The following ECT2L variants were observed in gnomAD, a reference collection of about 807,000 sequenced individuals.
ECT2L encodes the protein epithelial cell transforming 2 like.
ECT2L carries 126 observed loss-of-function variants against 122.8 expected under a neutral mutation model. The ratio of observed to expected loss-of-function variants is 1.03; its 90% CI spans 0.89 to 1.19. The LOEUF (loss-of-function observed/expected upper bound fraction) is 1.19. ECT2L is among the 50% of genes most tolerant of loss of function. ECT2L has a pLI of 0.00. For missense variants in ECT2L, 1,012 were observed against 1,064.1 expected (o/e 0.95, Z 0.68); for synonymous variants, 385 against 381.8 (o/e 1.01, Z -0.10).
At chr6:138,854,478 A>G (rs1292141771) in intron 10 of ECT2L, among the ~76,000 whole-genome samples, 2 of 152,158 alleles carry the variant, frequency 1.3e-5, no homozygotes, top group Non-Finnish European at 2.9e-5. Flanking sequence ...TAATCATTCA[A>G]TCCGAGAAAA....
At position 138,903,430 on chromosome 6, in the gene ECT2L, C is replaced by T. The variant is rs1369816948; in HGVS notation, c.*803C>T. On this transcript the variant is annotated 3_prime_UTR_variant, in exon 22 of 22. Coordinates refer to ENST00000541398, the MANE Select transcript of ECT2L (RefSeq NM_001077706.3). ...TTACTCAAAAACTTGTCACACTTAT[C>T]CTTAGTATGAATGTACTCCTCTAGA... The T allele has an allele frequency of 6.6e-6, 1 of 151,656 alleles. No individual in the cohort carries two copies. The highest frequency in any genetic ancestry group is 1.5e-5 in the Non-Finnish European group (1 of 67,952). 9.4% of individuals were successfully genotyped at this position (151,656 alleles called of 1,614,324 possible). A position where few individuals can be genotyped will look rare whatever the true frequency, so the allele number is the denominator to read the frequency against.
intron 1 of ECT2L, among the ~76,000 whole-genome samples, chr6:138,809,451 G>T (rs1775818555): frequency 6.6e-6 from 1 of 152,126 alleles, no homozygotes; most frequent in Admixed American, 6.5e-5. Flanking sequence ...GGGCAACAGA[G>T]CAAGACCCTG....
At chr6:138,810,913 T>A (rs1775870392) in intron 1 of ECT2L, among the ~76,000 whole-genome samples, 1 of 152,114 alleles carries the variant, frequency 6.6e-6, no homozygotes, top group South Asian at 2.1e-4. Context: ...AACTTTGGGG[T>A]TGTTTTCCTT....
At chr6:138,819,065 C>T (rs1187412769) in intron 4 of ECT2L, among the ~76,000 whole-genome samples, 3 of 152,094 alleles carry the variant, frequency 2.0e-5, no homozygotes, top group Non-Finnish European at 2.9e-5. Flanking sequence ...CGACTGTTTT[C>T]TAAATATCCA....
intron 4 of ECT2L, among the ~76,000 whole-genome samples, chr6:138,822,523 C>A (rs2128378446): frequency 1.3e-5 from 2 of 152,198 alleles, no homozygotes; most frequent in Admixed American, 6.5e-5. Context: ...CCATTACAGT[C>A]CAGCCTGGGC....
intron 5 of ECT2L, among the ~76,000 whole-genome samples, chr6:138,841,391 C>A (rs530853312): frequency 2.0e-5 from 3 of 152,162 alleles, no homozygotes; most frequent in Non-Finnish European, 2.9e-5. Flanking sequence ...GCTTCTGGCA[C>A]GTCTAGTGCT....
At chr6:138,837,282 A>G (rs773505512) in intron 4 of ECT2L, among the ~76,000 whole-genome samples, 2 of 152,122 alleles carry the variant, frequency 1.3e-5, no homozygotes, top group East Asian at 1.9e-4. Flanking sequence ...CATAATCTTC[A>G]TATTTTTCCC....
rs764351149 is a variant in ECT2L, at chr6:138,843,100, T to C, written c.464T>C (p.Leu155Pro). The C allele has an allele frequency of 6.2e-7, 1 of 1,614,128 alleles. No individual in the cohort carries two copies. The highest frequency in any genetic ancestry group is 8.5e-7 in the Non-Finnish European group (1 of 1,179,986). Residue 155 changes from leucine to proline, a missense_variant, in exon 6 of 22, where the codon CTG becomes CCG. Physicochemically the swap from Leu to Pro is moderately conservative, Grantham distance 98 (BLOSUM62 -3). Coordinates refer to ENST00000541398, the MANE Select transcript of ECT2L (RefSeq NM_001077706.3). ...YIACVSHLDW[L>P]TPREAAATYG... ...GCTTGTGTGTCCCACTTAGACTGGCTGACACCTAGGGAGGCTGCTGCTACT... is the reference window on the plus strand; with the variant it reads ...GCTTGTGTGTCCCACTTAGACTGGCCGACACCTAGGGAGGCTGCTGCTACT...
At chr6:138,823,100 G>C (rs1311243734) in intron 4 of ECT2L, 1 of 1,540,902 alleles carries the variant, frequency 6.5e-7, no homozygotes, top group African/African-American at 1.4e-5. Flanking sequence ...CTTCAGCCTT[G>C]TACACACTAA....
rs1381438606 is a variant in ECT2L, at chr6:138,865,050, T to G, written c.1346T>G (p.Phe449Cys). ...GGAAAGGCCCCCTCTTCCATCTACT[T>G]CTGCGAATCGAAGCTACAGACGTGG... The part of the protein sequence containing the change: ...QWGKAPSSIY[F>C]CESKLQTWSS... The change falls in exon 12 of 22, where the codon TTC becomes TGC. Residue 449 changes from phenylalanine (F) to cysteine (C), a missense_variant. By Grantham distance (205) the Phe-to-Cys change is radical (BLOSUM62 -2). Coordinates refer to ENST00000541398, the MANE Select transcript of ECT2L (RefSeq NM_001077706.3). 1.9e-6 allele frequency: 3 copies of G among 1,614,096 alleles called. No individual in the cohort carries two copies. Among genetic ancestry groups the G allele is most frequent in the Non-Finnish European group, 2.5e-6 (3 of 1,180,002 alleles).
intron 3 of ECT2L, among the ~76,000 whole-genome samples, chr6:138,813,729 T>C (rs1421754800): frequency 1.3e-5 from 2 of 152,162 alleles, no homozygotes; most frequent in Non-Finnish European, 2.9e-5. Context: ...GATGGTTCCA[T>C]GTGGCCTGGG....
chr6:138,846,426 G>A lies in ECT2L; in HGVS notation c.765-113G>A. 7 of 984,822 alleles carry A rather than the reference G, an allele frequency of 7.1e-6. No individual in the cohort carries two copies. In the South Asian group the frequency reaches 1.7e-4, roughly 23 times the overall value. 61.0% of individuals were successfully genotyped at this position (984,822 alleles called of 1,614,324 possible). A position where few individuals can be genotyped will look rare whatever the true frequency, so the allele number is the denominator to read the frequency against. On this transcript the variant is annotated intron_variant, in intron 7 of 21. Coordinates refer to ENST00000541398, the MANE Select transcript of ECT2L (RefSeq NM_001077706.3). ...AAACACAGGGTGAGGCTAAGGCATG[G>A]AGGCCACGTGCCTTGTAGAGTAGAG... is the stretch of plus-strand genomic sequence containing the variant.
intron 16 of ECT2L, among the ~76,000 whole-genome samples, chr6:138,883,242 T>C (rs1778702995): frequency 6.6e-6 from 1 of 152,198 alleles, no homozygotes; most frequent in African/African-American, 2.4e-5. Context: ...AAATTAATCA[T>C]CCACATCTTT....
At chr6:138,866,981 C>A (rs1241389087) in intron 12 of ECT2L, among the ~76,000 whole-genome samples, 1 of 151,650 alleles carries the variant, frequency 6.6e-6, no homozygotes, top group Non-Finnish European at 1.5e-5. Context: ...GGCTGAGGCA[C>A]GAGAACTGCT....
intron 7 of ECT2L, among the ~76,000 whole-genome samples, chr6:138,844,858 G>A (rs1777168421): frequency 7.3e-6 from 1 of 136,972 alleles, no homozygotes; most frequent in African/African-American, 2.8e-5. Flanking sequence ...TCAAACTTGT[G>A]GGCTCAAGCG....
In ECT2L at chr6:138,846,590, G is replaced by A; in HGVS notation, c.816G>A (p.Trp272Ter). The A allele has an allele frequency of 2.5e-6, 4 of 1,610,642 alleles. No individual in the cohort carries two copies. The East Asian group carries it at 8.9e-5, about 36-fold the overall frequency. Reference protein sequence around the residue: ...HSYPLLSKKNWHGVHKNDDRS... With the variant: ...HSYPLLSKKN ...ACCCTTTATTATCAAAGAAAAATTG[G>A]CATGGAGTTCATAAAAATGATGACA... The change falls in exon 8 of 22, where the codon TGG becomes TGA. Residue 272 changes from tryptophan to a stop codon, truncating the protein, a stop_gained. Coordinates refer to ENST00000541398, the MANE Select transcript of ECT2L (RefSeq NM_001077706.3). LOFTEE classifies it high-confidence loss of function.
intron 12 of ECT2L, among the ~76,000 whole-genome samples, chr6:138,866,391 C>T (rs193105406): frequency 2.1e-4 from 32 of 152,240 alleles, no homozygotes; most frequent in African/African-American, 7.5e-4. Flanking sequence ...GCTGGGATTA[C>T]AGGTGTGCCT....
At chr6:138,889,763 C>T (rs1778954869) in intron 20 of ECT2L, among the ~76,000 whole-genome samples, 1 of 152,128 alleles carries the variant, frequency 6.6e-6, no homozygotes, top group East Asian at 1.9e-4. Flanking sequence ...ATTTAGTTTG[C>T]ACAATGCTCA....
chr6:138,874,534 G>A (rs561882907), intron 13 of ECT2L, among the ~76,000 whole-genome samples: 7 of 152,260 alleles, frequency 4.6e-5, no homozygotes, highest in Middle Eastern at 3.4e-3. Flanking sequence ...CTGCTGAGCC[G>A]GAATGTGAAA....
Sources: gnomAD v4.1 joint callset for allele counts (sites outside exome capture counted in the v4.1 genomes callset) on GRCh38, gnomAD v4.1.1 for gene constraint, MANE v1.5 for transcripts, NCBI Gene and HGNC (gene_info 2026-07-23, HGNC 2026-07-21) for gene names.